Variants in R3HCC1 observed in about 807,000 individuals in gnomAD.
R3HCC1 encodes R3H and coiled-coil domain-containing protein 1.
Under a neutral mutation model 40.0 loss-of-function variants are expected in R3HCC1, and 32 were observed. The ratio of observed to expected loss-of-function variants is 0.80; its 90% CI spans 0.60 to 1.07. The LOEUF (loss-of-function observed/expected upper bound fraction) is 1.07. Among genes scored for constraint, R3HCC1 ranks in the 50% least tolerant of loss-of-function variants. The pLI is 0.00. For missense variants in R3HCC1, 586 were observed against 563.3 expected, an observed-to-expected ratio of 1.04 and a Z score of -0.41; for synonymous variants, 237 against 232.8, an observed-to-expected ratio of 1.02 and a Z score of -0.17.
At position 23,296,095 on chromosome 8, in the gene R3HCC1, T is replaced by C. The variant is rs1435590531; in HGVS notation, c.1321T>C (p.Ter441ArgextTer14). The change falls in exon 8 of 8, where the codon TGA becomes CGA. Residue 441 changes from the stop codon to arginine (R), a stop_lost. Transcript: ENST00000265806. ...TGCTGTCCGGGGTCCGCTGCCGCCC[T>C]GAGGCCTGGAGACCCAACTGGCCTG... 8 of 1,549,022 alleles carry C rather than the reference T, an allele frequency of 5.2e-6. No individual in the cohort carries two copies. The African/African-American group carries it at 6.9e-5, about 13-fold the overall frequency.
chr8:23,290,870 C>T (rs373834766), intron 4 of R3HCC1: 7 of 228,704 alleles, frequency 3.1e-5, no homozygotes, highest in East Asian at 1.0e-4. Context: ...TTCTTGGGAC[C>T]GTGCGACTGC....
rs1387963621 is a variant in R3HCC1, at chr8:23,289,952, A to G, written c.335A>G (p.Asn112Ser). The G allele has an allele frequency of 1.3e-6, 2 of 1,536,008 alleles. No homozygotes were observed. The highest frequency in any genetic ancestry group is 1.7e-6 in the Non-Finnish European group (2 of 1,146,906). Residue 112 changes from asparagine to serine, a missense_variant, in exon 4 of 8, where the codon AAC becomes AGC. Transcript: ENST00000265806. ...TACCACGGTCCTCGGCCCATCTCCAACCAAGGAGCAGCTGCGGTTCCCCGA... is the reference window on the plus strand; with the variant it reads ...TACCACGGTCCTCGGCCCATCTCCAGCCAAGGAGCAGCTGCGGTTCCCCGA...
chr8:23,292,193 T>C (rs1802882590), intron 5 of R3HCC1, among the ~76,000 whole-genome samples: 1 of 152,136 alleles, frequency 6.6e-6, no homozygotes, highest in Non-Finnish European at 1.5e-5. Context: ...AGTGGTACGA[T>C]CACAGCTTGC....
Position 23,294,847 on chromosome 8 carries a change from A to C in R3HCC1, c.1175A>C (p.Lys392Thr), listed in dbSNP as rs1301249566. 15 of 1,551,106 alleles carry C rather than the reference A, an allele frequency of 9.7e-6. No homozygotes were observed. In the South Asian group the frequency reaches 1.7e-4, roughly 17 times the overall value. ...CAGGGAACCAAGCAGTCAAAGCTCA[A>C]AGCCTTGCAGAGGCCAAGTAAGGAA... Residue 392 changes from lysine to threonine, a missense_variant, in exon 7 of 8, where the codon AAA (lysine) becomes ACA (threonine). Physicochemically the swap from Lys to Thr is moderately conservative, Grantham distance 78 (BLOSUM62 -1). Transcript: ENST00000265806.
Position 23,290,237 on chromosome 8 carries a change from T to G in R3HCC1, c.620T>G (p.Leu207Arg). Residue 207 changes from leucine to arginine, a missense_variant, in exon 4 of 8, where the codon CTG becomes CGG. Physicochemically the swap from Leu to Arg is moderately radical, Grantham distance 102. Coordinates refer to ENST00000265806, the MANE Select transcript of R3HCC1 (RefSeq NM_001136108.3). ...GGACAAAGGTGTGAGAATGAGCCACTGCTGGACCCTGTTGGCCCTGAGCCT... is the reference window on the plus strand; with the variant it reads ...GGACAAAGGTGTGAGAATGAGCCACGGCTGGACCCTGTTGGCCCTGAGCCT... 6.4e-7 allele frequency: 1 copy of G among 1,551,738 alleles called. No homozygotes were observed. The highest frequency in any genetic ancestry group is 8.7e-7 in the Non-Finnish European group (1 of 1,146,996).
chr8:23,294,906 T>C (rs1563180816), intron 7 of R3HCC1, 42 bp downstream of exon 7: 32 of 1,376,056 alleles, frequency 2.3e-5, no homozygotes, highest in Non-Finnish European at 3.2e-5. Flanking sequence ...GCTGTGTGTG[T>C]GTGTGTGCGT....
At chr8:23,289,530 A>T (rs1802814146) in intron 3 of R3HCC1, among the ~76,000 whole-genome samples, 1 of 152,052 alleles carries the variant, frequency 6.6e-6, no homozygotes, top group African/African-American at 2.4e-5. Flanking sequence ...TGAGCATCTT[A>T]CTTTAATGAC....
At position 23,289,940 on chromosome 8, in the gene R3HCC1, G is replaced by T. The variant is rs778641813; in HGVS notation, c.323G>T (p.Arg108Leu). 1.3e-6 allele frequency: 2 copies of T among 1,536,160 alleles called. No homozygotes were observed. Among genetic ancestry groups the T allele is most frequent in the Admixed American group, 2.0e-5 (1 of 50,998 alleles). ...TGCCCCAGCAGGTACCACGGTCCTC[G>T]GCCCATCTCCAACCAAGGAGCAGCT... The change falls in exon 4 of 8, where the codon CGG (arginine) becomes CTG (leucine). Residue 108 changes from arginine to leucine, a missense_variant. Coordinates refer to ENST00000265806, the MANE Select transcript of R3HCC1 (RefSeq NM_001136108.3).
chr8:23,289,316 A>G (rs939422121), intron 3 of R3HCC1, among the ~76,000 whole-genome samples, 163 bp downstream of exon 3: 16 of 152,248 alleles, frequency 1.1e-4, no homozygotes, highest in African/African-American at 3.9e-4. Context: ...TTTTGCATCA[A>G]CAGTGGAGCA....
Position 23,294,876 on chromosome 8 carries a change from G to T in R3HCC1, c.1192+12G>T, listed in dbSNP as rs923923241. 8.5e-6 allele frequency: 13 copies of T among 1,536,488 alleles called. No homozygotes were observed. In the African/African-American group the frequency reaches 1.5e-4, roughly 18 times the overall value. ...CTTGCAGAGGCCAAGTAAGGAAAGC[G>T]CATGTCCCTGAATAGGGAGGCTGTG... On this transcript the variant is annotated intron_variant, in intron 7 of 7. Transcript: ENST00000265806.
At position 23,296,240 on chromosome 8, in the gene R3HCC1, A is replaced by G; in HGVS notation, c.*143A>G. The stretch of plus-strand genomic sequence containing the variant: ...GTGGTGGGCTTTAGTTTAGTCCCAG[A>G]AATGGAGAAAAAATAAAAACTCACG... On this transcript the variant is annotated 3_prime_UTR_variant, in exon 8 of 8. Transcript: ENST00000265806. The G allele has an allele frequency of 1.0e-6, 1 of 976,146 alleles. No homozygotes were observed. 60.5% of individuals were successfully genotyped at this position (976,146 alleles called of 1,614,324 possible).
Position 23,290,041 on chromosome 8 carries a change from G to A in R3HCC1, c.424G>A (p.Val142Met). The A allele has an allele frequency of 6.5e-7, 1 of 1,544,172 alleles. No individual in the cohort carries two copies. Among genetic ancestry groups the A allele is most frequent in the South Asian group, 1.2e-5 (1 of 84,066 alleles). Residue 142 changes from valine (V) to methionine (M), a missense_variant, in exon 4 of 8, where the codon GTG becomes ATG. Val to Met is a conservative substitution (Grantham distance 21, BLOSUM62 1). Coordinates refer to ENST00000265806, the MANE Select transcript of R3HCC1 (RefSeq NM_001136108.3). ...TGACCAGCCTTTGTATGTGCCCCGG[G>A]TGCTGCGCAGGCAGGAAGAATGGGG...
intron 5 of R3HCC1, among the ~76,000 whole-genome samples, chr8:23,292,959 GC>G (rs1389927428): frequency 1.3e-5 from 2 of 152,178 alleles, no homozygotes; most frequent in African/African-American, 4.8e-5. Context: ...TTCTTCCCCA[GC>G]CTCAGACACC....
Position 23,291,363 on chromosome 8 carries a change from C to A in R3HCC1, c.855C>A (p.Ile285=). 6.4e-7 allele frequency: 1 copy of A among 1,551,644 alleles called. No homozygotes were observed. The highest frequency in any genetic ancestry group is 1.2e-5 in the South Asian group (1 of 84,052). ...GCTAAGGGTCCGATCTCTCCTAGAT[C>A]ACAGACAACCTGACGAAGAAGGAGA... is the stretch of plus-strand genomic sequence containing the variant. Residue 285 remains isoleucine, a splice_region_variant and synonymous_variant, in exon 5 of 8, where the codon ATC becomes ATA. Transcript: ENST00000265806.
intron 6 of R3HCC1, among the ~76,000 whole-genome samples, chr8:23,294,059 G>A (rs1802934503): frequency 1.3e-5 from 2 of 152,116 alleles, no homozygotes; most frequent in Admixed American, 6.5e-5. Context: ...GGGCCTGGGA[G>A]CGCCATTGCT....
rs1585333115 is a variant in R3HCC1 at position 23,291,209 on chromosome 8, C to T, written c.853-152C>T. ...CCGTAAAACCCATGCGTCTTGACGT[C>T]TTGACCTTGCAGCCCAGTCTGCCTG... On this transcript the variant is annotated intron_variant, in intron 4 of 7. Coordinates refer to ENST00000265806, the MANE Select transcript of R3HCC1 (RefSeq NM_001136108.3). 1.2e-5 allele frequency: 14 copies of T among 1,144,492 alleles called. 1 individual carries two copies. The South Asian group carries it at 2.0e-4, about 17-fold the overall frequency. 70.9% of individuals were successfully genotyped at this position (1,144,492 alleles called of 1,614,324 possible).
At position 23,290,375 on chromosome 8, in the gene R3HCC1, G is replaced by T; in HGVS notation, c.758G>T (p.Arg253Met). Residue 253 changes from arginine (R) to methionine (M), a missense_variant, in exon 4 of 8, where the codon AGG (arginine) becomes ATG (methionine). Physicochemically the swap from Arg to Met is moderately conservative, Grantham distance 91 (BLOSUM62 -1). Transcript: ENST00000265806. ...GGGAAGGAGAGTCTGTTGGAGAAGAGGCTGGTGGCAGAGGAGGAAGAGGAC... is the reference window on the plus strand; with the variant it reads ...GGGAAGGAGAGTCTGTTGGAGAAGATGCTGGTGGCAGAGGAGGAAGAGGAC... 1 of 1,551,880 alleles carries T rather than the reference G, an allele frequency of 6.4e-7. No homozygotes were observed. Among genetic ancestry groups the T allele is most frequent in the Non-Finnish European group, 8.7e-7 (1 of 1,147,046 alleles).
chr8:23,296,146 C>T lies in R3HCC1; in HGVS notation c.*49C>T. 6.6e-7 allele frequency: 1 copy of T among 1,522,518 alleles called. No individual in the cohort carries two copies. The highest frequency in any genetic ancestry group is 1.2e-5 in the South Asian group (1 of 80,546). 94.3% of individuals were successfully genotyped at this position (1,522,518 alleles called of 1,614,324 possible). ...GATCTGCGTCCCGACGTAGCTGGCG[C>T]CCCCAACACCATAAGCCTTCACAGA... On this transcript the variant is annotated 3_prime_UTR_variant, in exon 8 of 8. Transcript: ENST00000265806.
intron 6 of R3HCC1, 141 bp from the exon 7 acceptor site, chr8:23,294,628 G>T: frequency 1.5e-6 from 1 of 663,034 alleles, no homozygotes; most frequent in East Asian, 2.8e-5. Flanking sequence ...GTCGTCTCTT[G>T]CCCATCCAGG....
Sources: gnomAD v4.1 joint callset for allele counts (sites outside exome capture counted in the v4.1 genomes callset) on GRCh38, gnomAD v4.1.1 for gene constraint, MANE v1.5 for transcripts, NCBI Gene and HGNC (gene_info 2026-07-23, HGNC 2026-07-21) for gene names.